The following PKN2 variants were observed in gnomAD, a reference collection of about 807,000 sequenced individuals.
PKN2 encodes the protein serine/threonine-protein kinase N2.
A neutral mutation model predicts 119.1 loss-of-function variants in PKN2; 38 were observed. The ratio of observed to expected loss-of-function variants is 0.32; its 90% confidence interval spans 0.25 to 0.42. PKN2 has a LOEUF of 0.42. Among genes scored for constraint, PKN2 ranks in the 10% least tolerant of loss-of-function variants. The probability of loss-of-function intolerance (pLI) is 1.00; values close to 1 mark genes in which losing one functional copy is unlikely to be tolerated. For missense variants in PKN2, 850 were observed against 1,165.1 expected, an observed-to-expected ratio of 0.73 and a Z score of 3.94; for synonymous variants, 390 against 384.9, an observed-to-expected ratio of 1.01 and a Z score of -0.15.
At position 88,685,759 on chromosome 1, in the gene PKN2, A is replaced by AT. The variant is rs529691580; in HGVS notation, c.48+1139dup. On this transcript the variant is annotated intron_variant, in intron 1 of 21. Coordinates refer to ENST00000370521, the MANE Select transcript of PKN2 (RefSeq NM_006256.4). ...TTTCTTTTTGTGTGTTGGACAGTTA[A>AT]TTTTTTTTAAAAAAAAGACTAAATC... 1.1e-3 allele frequency among the ~76,000 whole-genome samples: 169 copies of AT among 152,192 alleles called. 1 individual carries two copies. Among genetic ancestry groups the AT allele is most frequent in the Admixed American group, 4.6e-3 (71 of 15,294 alleles).
At chr1:88,727,499 C>G (rs1008797716) in intron 1 of PKN2, among the ~76,000 whole-genome samples, 2 of 152,234 alleles carry the variant, frequency 1.3e-5, no homozygotes, top group Non-Finnish European at 2.9e-5. Flanking sequence ...ATCCACTGTA[C>G]CAACCTGTGT....
Position 88,807,736 on chromosome 1 carries a change from TA to T in PKN2, c.2066del (p.Lys689ArgfsTer11). The T allele has an allele frequency of 6.2e-7, 1 of 1,601,882 alleles. No homozygotes were observed. Among genetic ancestry groups the T allele is most frequent in the Non-Finnish European group, 8.5e-7 (1 of 1,173,104 alleles). ...AATGAGATGTTTGCTATAAAAGCCT[TA>T]AAGAAAGGAGATATTGTGGCTCGAG... ...NTNEMFAIKA[L>X]KKGDIVARDE... is the part of the protein sequence containing the mutation. On this transcript the variant is annotated frameshift_variant, in exon 15 of 22. Coordinates refer to ENST00000370521, the MANE Select transcript of PKN2 (RefSeq NM_006256.4). LOFTEE classifies it high-confidence loss of function.
intron 8 of PKN2, among the ~76,000 whole-genome samples, chr1:88,786,795 G>A (rs534748250): frequency 6.6e-6 from 1 of 152,032 alleles, no homozygotes; most frequent in South Asian, 2.1e-4. Context: ...AACTAAGAAA[G>A]ATACTAAACT....
At chr1:88,691,072 T>C (rs1237847668) in intron 1 of PKN2, among the ~76,000 whole-genome samples, 1 of 152,090 alleles carries the variant, frequency 6.6e-6, no homozygotes, top group African/African-American at 2.4e-5. Flanking sequence ...TTATTTTTAT[T>C]TTTATTTTTG....
intron 1 of PKN2, among the ~76,000 whole-genome samples, chr1:88,707,581 C>G (rs758989982): frequency 6.6e-6 from 1 of 152,022 alleles, no homozygotes; most frequent in Non-Finnish European, 1.5e-5. Context: ...TCTGAGCAAA[C>G]GAATATCTTC....
chr1:88,817,572 G>C lies in PKN2; in HGVS notation c.2279+3839G>C, dbSNP rs868345125. On this transcript the variant is annotated intron_variant, in intron 16 of 21. Transcript: ENST00000370521. ...AACACAAAAAAATTAGCTGGGTGTG[G>C]CGGTGTAGGCCTGTAGTCTCGGCTG... Among the ~76,000 whole-genome samples, 9 of 151,984 alleles carry C rather than the reference G, an allele frequency of 5.9e-5. No homozygotes were observed. The East Asian group carries it at 1.7e-3, about 29-fold the overall frequency.
At chr1:88,702,629 A>C (rs79797192) in intron 1 of PKN2, among the ~76,000 whole-genome samples, 1 of 152,324 alleles carries the variant, frequency 6.6e-6, no homozygotes, top group East Asian at 1.9e-4. Context: ...TTTTACTTGG[A>C]ATAATGCAGA....
At chr1:88,747,549 A>G (rs1310979071) in intron 2 of PKN2, among the ~76,000 whole-genome samples, 2 of 152,162 alleles carry the variant, frequency 1.3e-5, no homozygotes, top group East Asian at 1.9e-4. Context: ...TTTGAGAAAG[A>G]TCCGGTTTCC....
At chr1:88,692,111 T>C (rs892673936) in intron 1 of PKN2, among the ~76,000 whole-genome samples, 30 of 152,156 alleles carry the variant, frequency 2.0e-4, no homozygotes, top group African/African-American at 7.2e-4. Flanking sequence ...AATATAATCT[T>C]TTTGAACTTG....
intron 8 of PKN2, among the ~76,000 whole-genome samples, chr1:88,790,899 A>C (rs1355180551): frequency 6.6e-6 from 1 of 152,060 alleles, no homozygotes; most frequent in Admixed American, 6.6e-5. Flanking sequence ...ATTTGATGTC[A>C]TATTTTTAAT....
chr1:88,772,651 T>G (rs1669943029), intron 6 of PKN2, among the ~76,000 whole-genome samples: 1 of 152,170 alleles, frequency 6.6e-6, no homozygotes, highest in African/African-American at 2.4e-5. Context: ...ACGTGCAGGT[T>G]TTTGCTTGAA....
Position 88,684,637 on chromosome 1 carries a change from C to T in PKN2, c.48+9C>T, listed in dbSNP as rs1440758622. 6 of 1,548,168 alleles carry T rather than the reference C, an allele frequency of 3.9e-6. No individual in the cohort carries two copies. Among genetic ancestry groups the T allele is most frequent in the African/African-American group, 1.4e-5 (1 of 71,438 alleles). ...TGCTCACGGAACTGCAGGTAAGGGC[C>T]GCGGCCCTGGTGAGAGGCGCTGGCG... On this transcript the variant is annotated intron_variant, in intron 1 of 21. Transcript: ENST00000370521.
Position 88,771,758 on chromosome 1 carries a change from AAGC to A in PKN2, c.867_869del (p.Ser289del). ...ACGAAGTCCCCAAGAATCATCCCAA[AAGC>A]AGGATTATTATTGAAGAACTTTCAC... is the stretch of plus-strand genomic sequence containing the variant. On this transcript the variant is annotated inframe_deletion, in exon 6 of 22. Coordinates refer to ENST00000370521, the MANE Select transcript of PKN2 (RefSeq NM_006256.4). 6.2e-7 allele frequency: 1 copy of A among 1,613,660 alleles called. No homozygotes were observed. The highest frequency in any genetic ancestry group is 8.5e-7 in the Non-Finnish European group (1 of 1,179,646).
At chr1:88,833,013 A>C in intron 20 of PKN2, 64 bp from the exon 21 acceptor site, 1 of 1,434,776 alleles carries the variant, frequency 7.0e-7, no homozygotes, top group Non-Finnish European at 9.5e-7. Context: ...TAAAGTAATA[A>C]TCCTTATCAG....
At chr1:88,761,626 A>AC (rs2100783326) in intron 3 of PKN2, among the ~76,000 whole-genome samples, 1 of 151,240 alleles carries the variant, frequency 6.6e-6, no homozygotes, top group East Asian at 1.9e-4. Flanking sequence ...AAAAAAAAAA[A>AC]AAAAAAAAGA....
chr1:88,712,945 GCCCAGTGTGTGATGTTCCCCA>G (rs750618604), intron 1 of PKN2, among the ~76,000 whole-genome samples: 10 of 151,906 alleles, frequency 6.6e-5, no homozygotes, highest in Non-Finnish European at 1.5e-4. Flanking sequence ...CCCACAACAG[GCCCAGTGTGTGATGTTCCCCA>G]CCCTGTGTCC....
intron 1 of PKN2, among the ~76,000 whole-genome samples, chr1:88,715,000 CA>C (rs1205948310): frequency 6.6e-6 from 1 of 152,128 alleles, no homozygotes; most frequent in Non-Finnish European, 1.5e-5. Context: ...TGAATTTTGT[CA>C]AAGGCCTTTT....
In PKN2 at chr1:88,824,516, T is replaced by C. The variant is rs565019202; in HGVS notation, c.2419+130T>C. The C allele has an allele frequency of 9.2e-5, 54 of 589,806 alleles. No individual in the cohort carries two copies. The South Asian group carries it at 1.2e-3, about 13-fold the overall frequency. 36.5% of individuals were successfully genotyped at this position (589,806 alleles called of 1,614,324 possible). A position where few individuals can be genotyped will look rare whatever the true frequency, so the allele number is the denominator to read the frequency against. ...TTATTCTTCATTAAGACATTGTAGATACAATGAAAACATTGCTTATATAAC... is the reference window on the plus strand; with the variant it reads ...TTATTCTTCATTAAGACATTGTAGACACAATGAAAACATTGCTTATATAAC... On this transcript the variant is annotated intron_variant, in intron 18 of 21. Transcript: ENST00000370521.
intron 8 of PKN2, among the ~76,000 whole-genome samples, chr1:88,794,694 G>T (rs1281671596): frequency 6.6e-6 from 1 of 151,836 alleles, no homozygotes; most frequent in Non-Finnish European, 1.5e-5. Flanking sequence ...TCTTCTAGCT[G>T]TTTTTTTTAT....
Sources: allele counts gnomAD v4.1 joint callset (sites outside exome capture counted in the v4.1 genomes callset), GRCh38; gene constraint gnomAD v4.1.1; transcripts MANE v1.5; gene names NCBI Gene and HGNC (gene_info 2026-07-23, HGNC 2026-07-21).